PREP: variants seen among roughly 807,000 people sequenced by gnomAD.
PREP encodes the protein dJ355L5.1 (prolyl endopeptidase).
PREP carries 29 observed loss-of-function variants against 87.6 expected under a neutral mutation model. The ratio of observed to expected loss-of-function variants is 0.33; its 90% CI spans 0.25 to 0.45. The LOEUF (loss-of-function observed/expected upper bound fraction) is 0.45. Among genes scored for constraint, PREP ranks in the 20% least tolerant of loss-of-function variants. PREP has a pLI of 1.00. For synonymous variants in PREP, 337 were observed against 328.6 expected, an observed-to-expected ratio of 1.03 and a Z score of -0.28; for missense variants, 695 against 886.5, an observed-to-expected ratio of 0.78 and a Z score of 2.74.
Position 105,282,574 on chromosome 6 carries a change from A to C in PREP, c.1558T>G (p.Leu520Val). 1 of 1,614,086 alleles carries C rather than the reference A, an allele frequency of 6.2e-7. No individual in the cohort carries two copies. Among genetic ancestry groups the C allele is most frequent in the East Asian group, 2.2e-5 (1 of 44,870 alleles). ...YGETWHKGGI[L>V]ANKQNCFDDF... ...TCAAAGCAGTTTTGTTTGTTGGCCA[A>C]GATACCACCTACAGTGTGCCAAAGT... Residue 520 changes from leucine to valine, a missense_variant, in exon 13 of 15, where the codon TTG becomes GTG. Leu to Val is a conservative substitution (Grantham distance 32). Transcript: ENST00000652536.
At chr6:105,368,799 A>G (rs533085218) in intron 6 of PREP, 104 bp downstream of exon 6, 2 of 1,354,824 alleles carry the variant, frequency 1.5e-6, no homozygotes, top group Non-Finnish European at 2.0e-6. Flanking sequence ...ATATTCACTC[A>G]TGGGACTTCT....
At chr6:105,360,944 T>TA (rs1562215529) in intron 6 of PREP, among the ~76,000 whole-genome samples, 1 of 152,160 alleles carries the variant, frequency 6.6e-6, no homozygotes, top group East Asian at 1.9e-4. Context: ...CACATACATA[T>TA]GTACACACAC....
chr6:105,341,635 C>A (rs1216401003), intron 7 of PREP, among the ~76,000 whole-genome samples: 2 of 152,096 alleles, frequency 1.3e-5, no homozygotes, highest in Non-Finnish European at 2.9e-5. Context: ...AATTGATAGA[C>A]CGCTAGCAAG....
intron 2 of PREP, among the ~76,000 whole-genome samples, chr6:105,386,666 T>C (rs1562226637): frequency 6.6e-6 from 1 of 152,180 alleles, no homozygotes; most frequent in Non-Finnish European, 1.5e-5. Context: ...GGTATTATAA[T>C]TGTTCTTTAA....
intron 2 of PREP, among the ~76,000 whole-genome samples, chr6:105,387,744 T>C (rs772041044): frequency 6.6e-5 from 10 of 152,230 alleles, no homozygotes; most frequent in Non-Finnish European, 1.2e-4. Flanking sequence ...CTGGGCCACA[T>C]GTGGCCGGTG....
intron 10 of PREP, among the ~76,000 whole-genome samples, chr6:105,297,221 GTGTCTTCTC>G (rs1047672019): frequency 2.0e-5 from 3 of 152,216 alleles, no homozygotes; most frequent in African/African-American, 7.2e-5. Context: ...TCACAAGCAA[GTGTCTTCTC>G]TGTCATTTAT....
At chr6:105,370,276 G>A (rs147560589) in intron 5 of PREP, among the ~76,000 whole-genome samples, 1 of 130,076 alleles carries the variant, frequency 7.7e-6, no homozygotes, top group African/African-American at 3.1e-5. Flanking sequence ...GCGCTAACTA[G>A]TCCCAGACAG....
intron 1 of PREP, 62 bp downstream of exon 1, chr6:105,402,785 C>A (rs1432604064): frequency 2.3e-5 from 33 of 1,440,970 alleles, no homozygotes; most frequent in Non-Finnish European, 3.0e-5. Context: ...GCGGGTGCCA[C>A]GGGTCAGGCA....
chr6:105,374,373 G>A (rs1772633050), intron 4 of PREP, among the ~76,000 whole-genome samples: 1 of 152,114 alleles, frequency 6.6e-6, no homozygotes, highest in South Asian at 2.1e-4. Context: ...TGACACCAGA[G>A]ATTTCCTCTT....
At chr6:105,288,266 T>C (rs1048132294) in intron 11 of PREP, among the ~76,000 whole-genome samples, 1 of 152,222 alleles carries the variant, frequency 6.6e-6, no homozygotes, top group African/African-American at 2.4e-5. Flanking sequence ...CAAGATTAGC[T>C]TGAAATGATC....
chr6:105,289,692 A>C (rs911048333), intron 10 of PREP, among the ~76,000 whole-genome samples: 3 of 152,170 alleles, frequency 2.0e-5, no homozygotes, highest in African/African-American at 7.2e-5. Flanking sequence ...AAGCCACAAA[A>C]AGCTGATAAT....
intron 2 of PREP, among the ~76,000 whole-genome samples, chr6:105,385,252 A>G (rs1772958872): frequency 6.6e-6 from 1 of 151,416 alleles, no homozygotes; most frequent in Non-Finnish European, 1.5e-5. Flanking sequence ...GAAGCTTTTA[A>G]GCATGAAACT....
intron 7 of PREP, among the ~76,000 whole-genome samples, chr6:105,344,976 T>C (rs958517369): frequency 6.6e-6 from 1 of 152,238 alleles, no homozygotes; most frequent in Non-Finnish European, 1.5e-5. Flanking sequence ...GAATAAGGAA[T>C]GTGGCTGGAT....
At chr6:105,325,608 C>G (rs1177251066) in intron 9 of PREP, among the ~76,000 whole-genome samples, 1 of 152,170 alleles carries the variant, frequency 6.6e-6, no homozygotes, top group Non-Finnish European at 1.5e-5. Flanking sequence ...TGTGTTAAAC[C>G]TGAAGGTACT....
At chr6:105,394,685 G>A (rs1233626665) in intron 2 of PREP, among the ~76,000 whole-genome samples, 3 of 152,174 alleles carry the variant, frequency 2.0e-5, no homozygotes, top group African/African-American at 7.2e-5. Flanking sequence ...TGCGCCTGTA[G>A]TCCCAGCTAC....
intron 10 of PREP, among the ~76,000 whole-genome samples, chr6:105,311,547 C>T (rs370915621): frequency 4.6e-5 from 7 of 152,372 alleles, no homozygotes; most frequent in African/African-American, 9.6e-5. Context: ...CTGCCATTCT[C>T]GGCTGCAGTC....
At chr6:105,390,142 T>C (rs1429525184) in intron 2 of PREP, among the ~76,000 whole-genome samples, 5 of 152,170 alleles carry the variant, frequency 3.3e-5, no homozygotes, top group African/African-American at 1.2e-4. Flanking sequence ...ATTTCCAGGA[T>C]TCTTATCCTG....
chr6:105,402,445 CACAA>C (rs1244561603), intron 1 of PREP, among the ~76,000 whole-genome samples: 18 of 150,908 alleles, frequency 1.2e-4, no homozygotes, highest in Non-Finnish European at 2.7e-4. Flanking sequence ...CACACACACA[CACAA>C]ACACACACAC....
At chr6:105,309,490 C>T (rs1434956079) in intron 10 of PREP, among the ~76,000 whole-genome samples, 2 of 152,162 alleles carry the variant, frequency 1.3e-5, no homozygotes, top group African/African-American at 4.8e-5. Flanking sequence ...GCTGGGACTA[C>T]AGGTGTGTGC....
Sources: gnomAD v4.1 joint callset for allele counts (sites outside exome capture counted in the v4.1 genomes callset) on GRCh38, gnomAD v4.1.1 for gene constraint, MANE v1.5 for transcripts, NCBI Gene and HGNC (gene_info 2026-07-23, HGNC 2026-07-21) for gene names.